ENOX1: variants seen among roughly 807,000 people sequenced by gnomAD.
ENOX1 encodes the protein ecto-NOX disulfide-thiol exchanger 1, also known as candidate growth-related and time keeping constitutive hydroquinone (NADH) oxidase.
ENOX1 carries 42 observed loss-of-function variants against 82.5 expected under a neutral mutation model. The observed-to-expected ratio is 0.51, with a 90% CI of 0.40 to 0.66. ENOX1 has a LOEUF of 0.66. ENOX1 is among the 30% of genes least tolerant of loss of function. The probability of loss-of-function intolerance (pLI) is 0.00; values close to 1 mark genes in which losing one functional copy is unlikely to be tolerated. For synonymous variants in ENOX1, 271 were observed against 282.2 expected (o/e 0.96, Z 0.40); for missense variants, 608 against 811.6 (o/e 0.75, Z 3.05).
At chr13:43,349,880 C>A (rs776776045) in intron 8 of ENOX1, among the ~76,000 whole-genome samples, 1 of 81,426 alleles carries the variant, frequency 1.2e-5, no homozygotes, top group Non-Finnish European at 3.5e-5. Flanking sequence ...CCTGTCCCCA[C>A]GACCAATTAA....
At chr13:43,571,965 C>G (rs2080204261) in intron 2 of ENOX1, among the ~76,000 whole-genome samples, 1 of 151,990 alleles carries the variant, frequency 6.6e-6, no homozygotes, top group South Asian at 2.1e-4. Flanking sequence ...AAAGCAGGAG[C>G]AGGCAGTCAC....
At chr13:43,272,664 T>C (rs556210219) in intron 12 of ENOX1, among the ~76,000 whole-genome samples, 1 of 152,308 alleles carries the variant, frequency 6.6e-6, no homozygotes, top group East Asian at 1.9e-4. Flanking sequence ...ATTCTGACTC[T>C]CCATTAACAT....
chr13:43,214,693 T>C (rs1286534277), intron 16 of ENOX1, among the ~76,000 whole-genome samples: 4 of 152,166 alleles, frequency 2.6e-5, no homozygotes, highest in Non-Finnish European at 5.9e-5. Context: ...TTCAGGTATA[T>C]TTTTTAATGC....
At chr13:43,760,037 G>T in intron 1 of ENOX1, among the ~76,000 whole-genome samples, 1 of 152,160 alleles carries the variant, frequency 6.6e-6, no homozygotes, top group Admixed American at 6.5e-5. Context: ...AGGGGCTTTG[G>T]GAATACCTCA....
intron 2 of ENOX1, among the ~76,000 whole-genome samples, chr13:43,656,000 C>T (rs9533571): frequency 0.29 from 43,832 of 151,978 alleles, 6,549 homozygotes; most frequent in Non-Finnish European, 0.32. Context: ...TGACCTCATC[C>T]AAAAGACCCC....
At position 43,301,931 on chromosome 13, in the gene ENOX1, A is replaced by G. The variant is rs538224777; in HGVS notation, c.1262-3401T>C. ...TTCTGACTTAATATAACTTCTCAGT[A>G]TATTAAAAATTCAGAAATTGGAAAG... is the stretch of plus-strand genomic sequence containing the variant. On this transcript the variant is annotated intron_variant, in intron 11 of 16. Coordinates refer to ENST00000690772, the MANE Select transcript of ENOX1 (RefSeq NM_001347969.2). 6.5e-4 allele frequency among the ~76,000 whole-genome samples: 99 copies of G among 152,214 alleles called. 2 individuals are homozygous for G. Among genetic ancestry groups the G allele is most frequent in the Non-Finnish European group, 1.8e-4 (12 of 68,028 alleles).
chr13:43,355,280 T>C (rs2050075309), intron 8 of ENOX1, among the ~76,000 whole-genome samples: 1 of 152,188 alleles, frequency 6.6e-6, no homozygotes, highest in East Asian at 1.9e-4. Flanking sequence ...TCCCACAGCA[T>C]AAAACACCAG....
intron 14 of ENOX1, among the ~76,000 whole-genome samples, chr13:43,243,981 G>C (rs897249262): frequency 6.6e-6 from 1 of 151,658 alleles, no homozygotes; most frequent in Non-Finnish European, 1.5e-5. Context: ...CATTTCCTAC[G>C]CCACTTATAT....
chr13:43,421,407 A>G (rs2054967113), intron 3 of ENOX1, among the ~76,000 whole-genome samples: 1 of 152,206 alleles, frequency 6.6e-6, no homozygotes, highest in Non-Finnish European at 1.5e-5. Context: ...TTCAGTAGAA[A>G]CCATAACCCC....
At chr13:43,588,819 AGTT>A (rs2081110152) in intron 2 of ENOX1, among the ~76,000 whole-genome samples, 2 of 152,204 alleles carry the variant, frequency 1.3e-5, no homozygotes, top group African/African-American at 4.8e-5. Context: ...CCCCAGCAAA[AGTT>A]GCATGGAACA....
chr13:43,738,863 T>A (rs1320124322), intron 1 of ENOX1, among the ~76,000 whole-genome samples: 1 of 152,216 alleles, frequency 6.6e-6, no homozygotes, highest in Non-Finnish European at 1.5e-5. Context: ...GGCCCATTTC[T>A]GCTTTCATAG....
At chr13:43,543,067 T>G (rs919803205) in intron 2 of ENOX1, among the ~76,000 whole-genome samples, 2 of 152,126 alleles carry the variant, frequency 1.3e-5, no homozygotes, top group African/African-American at 2.4e-5. Context: ...GGGGACAAAC[T>G]TTCAGTCTGT....
At chr13:43,562,664 T>C (rs2079734869) in intron 2 of ENOX1, among the ~76,000 whole-genome samples, 1 of 151,924 alleles carries the variant, frequency 6.6e-6, no homozygotes, top group Non-Finnish European at 1.5e-5. Flanking sequence ...GCTCCACCTA[T>C]AAAGACACAC....
intron 3 of ENOX1, among the ~76,000 whole-genome samples, chr13:43,461,315 T>C (rs1241618357): frequency 1.3e-5 from 2 of 152,248 alleles, no homozygotes; most frequent in African/African-American, 4.8e-5. Flanking sequence ...ACTTCAACTT[T>C]AAAACAAATG....
rs190682957 is a variant in ENOX1, at chr13:43,244,457, A to G, written c.1612-7719T>C. Reference sequence around the variant, plus strand: ...TTTATGCAAAAATAACTGTGGTTGTATTCAAAAATAGTGGATATTTTCTAT... The same window carrying G: ...TTTATGCAAAAATAACTGTGGTTGTGTTCAAAAATAGTGGATATTTTCTAT... On this transcript the variant is annotated intron_variant, in intron 14 of 16. Transcript: ENST00000690772. Among the ~76,000 whole-genome samples the G allele has an allele frequency of 4.5e-4, 68 of 152,330 alleles. 1 individual carries two copies. The highest frequency in any genetic ancestry group is 1.6e-3 in the African/African-American group (66 of 41,582).
At chr13:43,603,015 A>G (rs1475057044) in intron 2 of ENOX1, among the ~76,000 whole-genome samples, 2 of 152,192 alleles carry the variant, frequency 1.3e-5, no homozygotes, top group Non-Finnish European at 2.9e-5. Flanking sequence ...ATATGTAAAG[A>G]AAATACAGAA....
intron 2 of ENOX1, among the ~76,000 whole-genome samples, chr13:43,626,831 C>CAG (rs2082985051): frequency 6.6e-6 from 1 of 151,832 alleles, no homozygotes; most frequent in Non-Finnish European, 1.5e-5. Flanking sequence ...GTGAGATATT[C>CAG]TATATCCTTA....
chr13:43,523,341 C>G (rs554312044), intron 2 of ENOX1, among the ~76,000 whole-genome samples: 1 of 152,212 alleles, frequency 6.6e-6, no homozygotes, highest in African/African-American at 2.4e-5. Context: ...AACATCTGCT[C>G]TAATTACCAG....
At chr13:43,564,219 T>C (rs956562553) in intron 2 of ENOX1, among the ~76,000 whole-genome samples, 1 of 152,100 alleles carries the variant, frequency 6.6e-6, no homozygotes, top group African/African-American at 2.4e-5. Context: ...TGAAAAGATA[T>C]TCCATGTTTA....
Sources: gnomAD v4.1 joint callset for allele counts (sites outside exome capture counted in the v4.1 genomes callset) on GRCh38, gnomAD v4.1.1 for gene constraint, MANE v1.5 for transcripts, NCBI Gene and HGNC (gene_info 2026-07-23, HGNC 2026-07-21) for gene names.